Variants in LSM8 observed in about 807,000 individuals in gnomAD.
LSM8 encodes the protein LSM8 U6 small nuclear RNA associated.
A neutral mutation model predicts 15.0 loss-of-function variants in LSM8; 14 were observed. The ratio of observed to expected loss-of-function variants is 0.93; its 90% CI spans 0.62 to 1.46. The LOEUF is 1.46. LSM8 is among the 40% of genes most tolerant of loss of function. The pLI, the probability that LSM8 is intolerant of heterozygous loss-of-function variation, is 0.00. For synonymous variants in LSM8, 50 were observed against 42.1 expected (o/e 1.19, Z -0.73); for missense variants, 90 against 115.4 (o/e 0.78, Z 1.01).
rs1244557191 is a variant in LSM8, at chr7:118,193,778, G to A, written c.*1776G>A. Among the ~76,000 whole-genome samples, 1 of 152,070 alleles carries A rather than the reference G, an allele frequency of 6.6e-6. No homozygotes were observed. The highest frequency in any genetic ancestry group is 1.5e-5 in the Non-Finnish European group (1 of 67,958). On this transcript the variant is annotated 3_prime_UTR_variant, in exon 4 of 4. Transcript: ENST00000249299. Reference sequence around the variant, plus strand: ...TTGCTAAGAAAAATGCATTCTAACAGTACAAATGAAGTCCAGAGTCAGATC... The same window carrying A: ...TTGCTAAGAAAAATGCATTCTAACAATACAAATGAAGTCCAGAGTCAGATC...
At position 118,203,355 on chromosome 7, in the gene LSM8, GATATC is replaced by G. The variant is rs1462053515; in HGVS notation, c.*11358_*11362del. On this transcript the variant is annotated 3_prime_UTR_variant, in exon 4 of 4. Coordinates refer to ENST00000249299, the MANE Select transcript of LSM8 (RefSeq NM_016200.5). ...CCTTGAAGAAGATACTAATATTTCT[GATATC>G]ATATAGGAGTAAAAATTGCGGGGAG... 2.0e-5 allele frequency among the ~76,000 whole-genome samples: 3 copies of G among 151,774 alleles called. No individual in the cohort carries two copies. Among genetic ancestry groups the G allele is most frequent in the African/African-American group, 7.2e-5 (3 of 41,386 alleles).
chr7:118,202,457 T>C lies in LSM8; in HGVS notation c.*10455T>C, dbSNP rs980451822. Among the ~76,000 whole-genome samples, 2 of 152,018 alleles carry C rather than the reference T, an allele frequency of 1.3e-5. No homozygotes were observed. The highest frequency in any genetic ancestry group is 2.9e-5 in the Non-Finnish European group (2 of 67,946). ...TTGCCATCCTTTTGTTCTAATAATT[T>C]GCCTGTCATCTCGTGACTCATATTT... On this transcript the variant is annotated 3_prime_UTR_variant, in exon 4 of 4. Transcript: ENST00000249299.
At chr7:118,188,068 G>A (rs997474045) in intron 2 of LSM8, among the ~76,000 whole-genome samples, 3 of 152,178 alleles carry the variant, frequency 2.0e-5, no homozygotes, top group African/African-American at 4.8e-5. Context: ...TGAGTGAGAT[G>A]TGTGGTGCAG....
intron 1 of LSM8, 40 bp downstream of exon 1, chr7:118,184,294 G>A: frequency 6.9e-7 from 1 of 1,459,212 alleles, no homozygotes; most frequent in Non-Finnish European, 9.1e-7. Context: ...AGCCGGGGTC[G>A]CGGAGAGGCC....
intron 2 of LSM8, among the ~76,000 whole-genome samples, chr7:118,187,021 C>T (rs938593011): frequency 3.3e-5 from 5 of 152,018 alleles, no homozygotes; most frequent in Non-Finnish European, 5.9e-5. Flanking sequence ...TTCTAAAGTT[C>T]AGTAGTTCTG....
rs767373385 is a variant in LSM8, at chr7:118,203,900, T to C, written c.*11898T>C. Among the ~76,000 whole-genome samples, 61 of 151,946 alleles carry C rather than the reference T, an allele frequency of 4.0e-4. No homozygotes were observed. The highest frequency in any genetic ancestry group is 7.9e-4 in the Admixed American group (12 of 15,230). ...ATATTCTTACAGCTGTTTTTCTTGGTTGCTTTCTAATTCCTTTCCTCCCTT... is the reference window on the plus strand; with the variant it reads ...ATATTCTTACAGCTGTTTTTCTTGGCTGCTTTCTAATTCCTTTCCTCCCTT... On this transcript the variant is annotated 3_prime_UTR_variant, in exon 4 of 4. Coordinates refer to ENST00000249299, the MANE Select transcript of LSM8 (RefSeq NM_016200.5).
Position 118,194,932 on chromosome 7 carries a change from T to C in LSM8, c.*2930T>C, listed in dbSNP as rs1335845492. On this transcript the variant is annotated 3_prime_UTR_variant, in exon 4 of 4. Coordinates refer to ENST00000249299, the MANE Select transcript of LSM8 (RefSeq NM_016200.5). The stretch of plus-strand genomic sequence containing the variant: ...GCAGGGTCAAGTGACTTGTAAGAGG[T>C]AGCACTAGTAAGTAACAGTGCTCAA... Among the ~76,000 whole-genome samples the C allele has an allele frequency of 6.6e-6, 1 of 152,146 alleles. No individual in the cohort carries two copies. The highest frequency in any genetic ancestry group is 2.4e-5 in the African/African-American group (1 of 41,436).
rs1352519937 is a variant in LSM8 at position 118,199,814 on chromosome 7, A to G, written c.*7812A>G. The stretch of plus-strand genomic sequence containing the variant: ...ATGGTGAAGATATGTATTGGGTGAT[A>G]TGAGAGCCCATAGGAGAGACATCTA... On this transcript the variant is annotated 3_prime_UTR_variant, in exon 4 of 4. Coordinates refer to ENST00000249299, the MANE Select transcript of LSM8 (RefSeq NM_016200.5). 6.6e-6 allele frequency among the ~76,000 whole-genome samples: 1 copy of G among 152,166 alleles called. No homozygotes were observed. The highest frequency in any genetic ancestry group is 6.6e-5 in the Admixed American group (1 of 15,248).
At position 118,199,297 on chromosome 7, in the gene LSM8, C is replaced by G. The variant is rs1584711220; in HGVS notation, c.*7295C>G. Among the ~76,000 whole-genome samples the G allele has an allele frequency of 6.6e-6, 1 of 152,038 alleles. No homozygotes were observed. Among genetic ancestry groups the G allele is most frequent in the African/African-American group, 2.4e-5 (1 of 41,406 alleles). On this transcript the variant is annotated 3_prime_UTR_variant, in exon 4 of 4. Coordinates refer to ENST00000249299, the MANE Select transcript of LSM8 (RefSeq NM_016200.5). ...AATTAGTGAGAAGGGAAGAGATGGC[C>G]TTCAATACTAGTGCAAAGTTAATAC...
rs1809199116 is a variant in LSM8 at position 118,203,399 on chromosome 7, A to G, written c.*11397A>G. On this transcript the variant is annotated 3_prime_UTR_variant, in exon 4 of 4. Transcript: ENST00000249299. ...AATTGCGGGGAGGTCCTAATATCCAATATTAATAGAGCTGTGATTATTCAA... is the reference window on the plus strand; with the variant it reads ...AATTGCGGGGAGGTCCTAATATCCAGTATTAATAGAGCTGTGATTATTCAA... Among the ~76,000 whole-genome samples, 2 of 151,912 alleles carry G rather than the reference A, an allele frequency of 1.3e-5. No homozygotes were observed. Among genetic ancestry groups the G allele is most frequent in the African/African-American group, 4.8e-5 (2 of 41,436 alleles).
At chr7:118,188,177 T>G in intron 2 of LSM8, 101 bp from the exon 3 acceptor site, 1 of 1,317,456 alleles carries the variant, frequency 7.6e-7, no homozygotes, top group Non-Finnish European at 1.1e-6. Flanking sequence ...TATAGGTACT[T>G]GTATTGGAAT....
rs1273901824 is a variant in LSM8 at position 118,198,562 on chromosome 7, A to C, written c.*6560A>C. On this transcript the variant is annotated 3_prime_UTR_variant, in exon 4 of 4. Transcript: ENST00000249299. ...GGCAAAGATGCATTTTCCTCTATGC[A>C]TAGCAATATGGGAGAGATTGGAGGA... 6.6e-6 allele frequency among the ~76,000 whole-genome samples: 1 copy of C among 152,190 alleles called. No homozygotes were observed. Among genetic ancestry groups the C allele is most frequent in the East Asian group, 1.9e-4 (1 of 5,200 alleles).
intron 3 of LSM8, chr7:118,191,280 A>G (rs753413810): frequency 6.6e-6 from 1 of 152,224 alleles, no homozygotes; most frequent in Admixed American, 6.5e-5. Context: ...ATTTAAAGTT[A>G]TAGATACTAT....
rs1809061855 is a variant in LSM8, at chr7:118,195,369, A to G, written c.*3367A>G. ...AGTAGCATTAGACTGCATTTTAAAC[A>G]TTTGGTATGATTTTGAGGACATAAC... On this transcript the variant is annotated 3_prime_UTR_variant, in exon 4 of 4. Transcript: ENST00000249299. Among the ~76,000 whole-genome samples, 1 of 152,184 alleles carries G rather than the reference A, an allele frequency of 6.6e-6. No individual in the cohort carries two copies. The highest frequency in any genetic ancestry group is 1.5e-5 in the Non-Finnish European group (1 of 68,024).
rs1487714472 is a variant in LSM8 at position 118,194,079 on chromosome 7, C to T, written c.*2077C>T. On this transcript the variant is annotated 3_prime_UTR_variant, in exon 4 of 4. Coordinates refer to ENST00000249299, the MANE Select transcript of LSM8 (RefSeq NM_016200.5). Reference sequence around the variant, plus strand: ...CACATGGTGGACTGTTTTCTCACAACCGATTAAAATTGGATTTATTTTTGC... The same window carrying T: ...CACATGGTGGACTGTTTTCTCACAATCGATTAAAATTGGATTTATTTTTGC... Among the ~76,000 whole-genome samples, 1 of 152,040 alleles carries T rather than the reference C, an allele frequency of 6.6e-6. No homozygotes were observed. The highest frequency in any genetic ancestry group is 1.5e-5 in the Non-Finnish European group (1 of 67,960).
chr7:118,190,434 C>T (rs188262381), intron 3 of LSM8: 3 of 152,094 alleles, frequency 2.0e-5, no homozygotes. Context: ...TTCTACTGGC[C>T]CATGAAAGCA....
At position 118,188,531 on chromosome 7, in the gene LSM8, C is replaced by T. The variant is rs181758541; in HGVS notation, c.200+126C>T. On this transcript the variant is annotated intron_variant, in intron 3 of 3. Transcript: ENST00000249299. ...AATAGAATCTTGCATTCATTTCTTT[C>T]GTAAATATACCTTTTCTTATGTTTG... The T allele has an allele frequency of 3.5e-3, 2,842 of 806,754 alleles. 6 individuals are homozygous for T. The highest frequency in any genetic ancestry group is 4.8e-3 in the Non-Finnish European group (2,610 of 547,754). 50.0% of individuals were successfully genotyped at this position (806,754 alleles called of 1,614,324 possible).
chr7:118,185,823 C>T (rs1368886285), intron 2 of LSM8, 129 bp downstream of exon 2: 5 of 757,516 alleles, frequency 6.6e-6, no homozygotes, highest in African/African-American at 3.5e-5. Context: ...TATAATTCAG[C>T]TCTTTATCAC....
intron 1 of LSM8, 117 bp downstream of exon 1, chr7:118,184,371 A>G: frequency 8.0e-7 from 1 of 1,246,576 alleles, no homozygotes; most frequent in Non-Finnish European, 1.1e-6. Flanking sequence ...GGGCGAGGAG[A>G]TGAGGGCCCC....
Sources: gnomAD v4.1 joint callset for allele counts (sites outside exome capture counted in the v4.1 genomes callset) on GRCh38, gnomAD v4.1.1 for gene constraint, MANE v1.5 for transcripts, NCBI Gene and HGNC (gene_info 2026-07-23, HGNC 2026-07-21) for gene names.